Variants in SKOR2 observed in about 807,000 individuals in gnomAD.
SKOR2 encodes the protein SKI family transcriptional corepressor 2.
Under a neutral mutation model 69.1 loss-of-function variants are expected in SKOR2, and 47 were observed. The observed-to-expected ratio is 0.68, with a 90% CI of 0.54 to 0.87. SKOR2 has a LOEUF of 0.87. Ranked by LOEUF, SKOR2 falls within the 40% of genes least tolerant of loss-of-function variation. The pLI, the probability that SKOR2 is intolerant of heterozygous loss-of-function variation, is 0.00. For missense variants in SKOR2, 1,404 were observed against 1,472.2 expected (o/e 0.95, Z 0.76); for synonymous variants, 717 against 672.6 (o/e 1.07, Z -1.02).
intron 2 of SKOR2, 38 bp from the exon 3 acceptor site, chr18:47,245,599 G>A (rs766229838): frequency 5.6e-5 from 82 of 1,466,910 alleles, no homozygotes; most frequent in African/African-American, 1.2e-4. Context: ...ATCAATGCCC[G>A]GATCAAACCA....
chr18:47,222,881 T>A (rs1021996361), intron 6 of SKOR2, among the ~76,000 whole-genome samples: 7 of 152,194 alleles, frequency 4.6e-5, no homozygotes, highest in Non-Finnish European at 7.3e-5. Context: ...TCTATGATAG[T>A]ACACTTAATA....
chr18:47,244,143 A>G (rs1266124881), intron 4 of SKOR2, among the ~76,000 whole-genome samples: 3 of 152,128 alleles, frequency 2.0e-5, no homozygotes, highest in Admixed American at 1.3e-4. Flanking sequence ...GATTCCTTTA[A>G]GATCCTATTT....
chr18:47,234,725 G>A (rs2064214256), intron 4 of SKOR2, among the ~76,000 whole-genome samples: 1 of 152,052 alleles, frequency 6.6e-6, no homozygotes, highest in Admixed American at 6.5e-5. Context: ...GCTGGGCATG[G>A]TGGCAGGCAC....
chr18:47,211,895 TAAG>T (rs2064128949), intron 8 of SKOR2, among the ~76,000 whole-genome samples, 188 bp downstream of exon 8: 1 of 152,226 alleles, frequency 6.6e-6, no homozygotes, highest in African/African-American at 2.4e-5. Context: ...ATGGAATTTA[TAAG>T]AAGTACTTGG....
Position 47,247,229 on chromosome 18 carries a change from G to A in SKOR2, c.1955C>T (p.Thr652Met). ...AGGGTGGTGATGGTGGTGGGGATGC[G>A]TCTGGGCCGAGTGGGGCGCGCCCGC... ...ASAGAPHSAQ[T>M]HPHHHHHPHH... is the part of the protein sequence containing the mutation. The change falls in exon 2 of 9, where the codon ACG (threonine) becomes ATG (methionine). Residue 652 changes from threonine to methionine, a missense_variant. By Grantham distance (81) the Thr-to-Met change is moderately conservative. Around this residue, in one of 3 missense-constraint regions of SKOR2, gnomAD observed 1,266 missense variants for 1,309.9 expected, o/e 0.97. Transcript: ENST00000425639. The surrounding 1 kb of genome is among the most constrained non-coding windows in gnomAD (Gnocchi z 6.6). 1.4e-6 allele frequency: 2 copies of A among 1,463,756 alleles called. No homozygotes were observed. Among genetic ancestry groups the A allele is most frequent in the South Asian group, 1.3e-5 (1 of 76,762 alleles). 90.7% of individuals were successfully genotyped at this position (1,463,756 alleles called of 1,614,324 possible). A position where few individuals can be genotyped will look rare whatever the true frequency, so the allele number is the denominator to read the frequency against.
rs558842471 is a variant in SKOR2 at position 47,248,344 on chromosome 18, G to A, written c.840C>T (p.His280=). 8 of 1,236,198 alleles carry A rather than the reference G, an allele frequency of 6.5e-6. No homozygotes were observed. The highest frequency in any genetic ancestry group is 8.9e-5 in the Admixed American group (2 of 22,516). 76.6% of individuals were successfully genotyped at this position (1,236,198 alleles called of 1,614,324 possible). The change falls in exon 2 of 9, where the codon CAC becomes CAT. Residue 280 remains histidine (H), a synonymous_variant. Transcript: ENST00000425639. This position sits in a 1 kb window ranked among gnomAD's most constrained non-coding sequence, Gnocchi z 6.4. ...VAGGGGLLGP[H]LLGAPPPPPP... ...GCGGCGGCGGGGGCGCACCCAGCAG[G>A]TGGGGGCCCAGCAGACCCCCGCCTC...
In SKOR2 at chr18:47,247,186, GTGGTGGTGGTGGTGGTGAGGGTGGTGA is replaced by G; in HGVS notation, c.1971_1997del (p.His661_Pro669del). Reference sequence around the variant, plus strand: ...GCGACGGCGGCTGCGGGGGGTGGTGGTGGTGGTGGTGGTGGTGAGGGTGGTGATGGTGGTGGGGATGCGTCTGGGCCG... The same window carrying G: ...GCGACGGCGGCTGCGGGGGGTGGTGGTGGTGGTGGGGATGCGTCTGGGCCG... On this transcript the variant is annotated inframe_deletion, in exon 2 of 9. Coordinates refer to ENST00000425639, the MANE Select transcript of SKOR2 (RefSeq NM_001278063.4). This position sits in a 1 kb window ranked among gnomAD's most constrained non-coding sequence, Gnocchi z 6.6. 7 of 1,341,538 alleles carry G rather than the reference GTGGTGGTGGTGGTGGTGAGGGTGGTGA, an allele frequency of 5.2e-6. No individual in the cohort carries two copies. The highest frequency in any genetic ancestry group is 2.0e-5 in the South Asian group (1 of 50,540). 83.1% of individuals were successfully genotyped at this position (1,341,538 alleles called of 1,614,324 possible).
chr18:47,234,369 A>G (rs2064212301), intron 4 of SKOR2: 1 of 152,114 alleles, frequency 6.6e-6, no homozygotes, highest in Non-Finnish European at 1.5e-5. Flanking sequence ...TTTCAGAATT[A>G]ATGAATGGGT....
intron 5 of SKOR2, among the ~76,000 whole-genome samples, 189 bp from the exon 6 acceptor site, chr18:47,230,746 T>C (rs1389025531): frequency 6.6e-6 from 1 of 152,212 alleles, no homozygotes; most frequent in Non-Finnish European, 1.5e-5. Flanking sequence ...TTTAAAGTAT[T>C]ATATTACAGT....
At chr18:47,230,219 C>T (rs2064192490) in intron 6 of SKOR2, among the ~76,000 whole-genome samples, 1 of 151,898 alleles carries the variant, frequency 6.6e-6, no homozygotes, top group Non-Finnish European at 1.5e-5. Context: ...ATACGTACAA[C>T]ATGCACATAC....
intron 4 of SKOR2, among the ~76,000 whole-genome samples, chr18:47,244,591 A>G (rs1406863091): frequency 6.6e-6 from 1 of 152,250 alleles, no homozygotes; most frequent in Non-Finnish European, 1.5e-5. Context: ...ACAGATATTA[A>G]AAGCAATAAG....
At chr18:47,231,077 A>G (rs988672397) in intron 4 of SKOR2, 77 bp from the exon 5 acceptor site, 2 of 1,534,992 alleles carry the variant, frequency 1.3e-6, no homozygotes, top group South Asian at 1.2e-5. Context: ...TTTTCTTTTA[A>G]TATCTGCAAA....
In SKOR2 at chr18:47,248,209, G is replaced by C; in HGVS notation, c.975C>G (p.Ala325=). 1 of 1,231,230 alleles carries C rather than the reference G, an allele frequency of 8.1e-7. No individual in the cohort carries two copies. The highest frequency in any genetic ancestry group is 1.0e-6 in the Non-Finnish European group (1 of 989,626). 76.3% of individuals were successfully genotyped at this position (1,231,230 alleles called of 1,614,324 possible). ...DDSLQEAAVV[A]AASLSAAAAS... is the part of the protein sequence containing the mutation. ...CGGCTGCGGCCGAGAGGCTGGCGGC[G>C]GCCACTACGGCGGCCTCCTGCAAGG... Residue 325 remains alanine, a synonymous_variant, in exon 2 of 9, where the codon GCC becomes GCG. Coordinates refer to ENST00000425639, the MANE Select transcript of SKOR2 (RefSeq NM_001278063.4). This position sits in a 1 kb window ranked among gnomAD's most constrained non-coding sequence, Gnocchi z 6.4.
chr18:47,250,774 G>C (rs989413252), intron 1 of SKOR2, among the ~76,000 whole-genome samples: 2 of 152,156 alleles, frequency 1.3e-5, no homozygotes, highest in Non-Finnish European at 2.9e-5. Flanking sequence ...ACTTTGGGTG[G>C]ATCAGAGACA....
At chr18:47,249,579 G>A (rs1015858213) in intron 1 of SKOR2, among the ~76,000 whole-genome samples, 4 of 152,234 alleles carry the variant, frequency 2.6e-5, no homozygotes, top group Non-Finnish European at 5.9e-5. Context: ...AACGATAGTT[G>A]TAACTAGTAC....
intron 4 of SKOR2, among the ~76,000 whole-genome samples, chr18:47,233,875 G>A (rs2064209906): frequency 6.6e-6 from 1 of 152,146 alleles, no homozygotes; most frequent in African/African-American, 2.4e-5. Context: ...CTAGTAAATG[G>A]AAACTATATT....
chr18:47,234,712 C>T (rs536118940), intron 4 of SKOR2, among the ~76,000 whole-genome samples: 104 of 151,846 alleles, frequency 6.8e-4, no homozygotes, highest in Middle Eastern at 3.4e-3. Context: ...AATACAAAAA[C>T]TAGCTGGGCA....
chr18:47,213,395 A>G (rs1044506998), intron 7 of SKOR2, among the ~76,000 whole-genome samples: 7 of 147,886 alleles, frequency 4.7e-5, no homozygotes, highest in Non-Finnish European at 1.0e-4. Flanking sequence ...ATTTATATAT[A>G]TCATATAAAT....
chr18:47,211,768 T>C (rs2144474740), intron 8 of SKOR2, among the ~76,000 whole-genome samples: 1 of 152,332 alleles, frequency 6.6e-6, no homozygotes, highest in East Asian at 1.9e-4. Context: ...GCTGACACTT[T>C]GGTTTCCTTG....
Sources: gnomAD v4.1 joint callset for allele counts (sites outside exome capture counted in the v4.1 genomes callset) on GRCh38, gnomAD v4.1.1 for gene constraint, gnomAD v4.1.1 regional missense constraint, Gnocchi (gnomAD v3.1) non-coding constraint, MANE v1.5 for transcripts, NCBI Gene and HGNC (gene_info 2026-07-23, HGNC 2026-07-21) for gene names.